Variants in SPTBN1 observed in about 807,000 individuals in gnomAD.
SPTBN1 encodes the protein spectrin beta, non-erythrocytic 1.
A neutral mutation model predicts 266.4 loss-of-function variants in SPTBN1; 32 were observed. The observed-to-expected ratio is 0.12, with a 90% CI of 0.09 to 0.16. SPTBN1 has a LOEUF of 0.16. Ranked by LOEUF, SPTBN1 falls within the 10% of genes least tolerant of loss-of-function variation. The probability of loss-of-function intolerance (pLI) is 1.00; values close to 1 mark genes in which losing one functional copy is unlikely to be tolerated. For missense variants in SPTBN1, 2,296 were observed against 3,067.1 expected, an observed-to-expected ratio of 0.75 and a Z score of 5.94; for synonymous variants, 1,336 against 1,162.2, an observed-to-expected ratio of 1.15 and a Z score of -3.04.
At chr2:54,492,476 T>G (rs1668744756) in intron 1 of SPTBN1, among the ~76,000 whole-genome samples, 1 of 152,102 alleles carries the variant, frequency 6.6e-6, no homozygotes, top group Non-Finnish European at 1.5e-5. Flanking sequence ...GGAGTTTTAC[T>G]TAACACCTTT....
intron 5 of SPTBN1, among the ~76,000 whole-genome samples, chr2:54,616,565 AC>A (rs997746104): frequency 3.9e-5 from 6 of 152,044 alleles, no homozygotes; most frequent in Non-Finnish European, 8.8e-5. Context: ...GAATTTGAAA[AC>A]CCTGGAAGCA....
intron 26 of SPTBN1, among the ~76,000 whole-genome samples, chr2:54,651,879 T>A (rs1438405020): frequency 2.0e-5 from 3 of 152,204 alleles, no homozygotes; most frequent in African/African-American, 7.2e-5. Flanking sequence ...CAAAGCCTGT[T>A]GGTTCTTCTT....
At position 54,664,936 on chromosome 2, in the gene SPTBN1, G is replaced by A; in HGVS notation, c.6659+245G>A. On this transcript the variant is annotated intron_variant, in intron 33 of 35. Coordinates refer to ENST00000356805, the MANE Select transcript of SPTBN1 (RefSeq NM_003128.3). This position sits in a 1 kb window ranked among gnomAD's most constrained non-coding sequence, Gnocchi z 5.6. The stretch of plus-strand genomic sequence containing the variant: ...AGAAGGGGCTTTAGTAGTTCATCTA[G>A]AGAAGGAATTTGCTAGATTGAGACT... 2.0e-6 allele frequency: 1 copy of A among 490,320 alleles called. No individual in the cohort carries two copies. The highest frequency in any genetic ancestry group is 3.7e-6 in the Non-Finnish European group (1 of 272,654). The allele number at this position is 490,320 out of a possible 1,614,324, so 30.4% of individuals were successfully genotyped here. A position where few individuals can be genotyped will look rare whatever the true frequency, so the allele number is the denominator to read the frequency against.
chr2:54,626,006 C>A lies in SPTBN1; in HGVS notation c.1416C>A (p.Ala472=), dbSNP rs368364126. 6.8e-6 allele frequency: 11 copies of A among 1,614,158 alleles called. No individual in the cohort carries two copies. Among genetic ancestry groups the A allele is most frequent in the African/African-American group, 1.3e-5 (1 of 75,030 alleles). Residue 472 remains alanine (A), a synonymous_variant, in exon 12 of 36, where the codon GCC becomes GCA. Transcript: ENST00000356805. The surrounding 1 kb of genome is among the most constrained non-coding windows in gnomAD (Gnocchi z 4.7). ...ACGAGGCCATTGAGACAGACATTGC[C>A]GCATACGAGGAGCGTGTGCAGGCTG... ...KKHEAIETDI[A]AYEERVQAVV...
At position 54,658,072 on chromosome 2, in the gene SPTBN1, T is replaced by G. The variant is rs1378073392; in HGVS notation, c.6243+26T>G. On this transcript the variant is annotated intron_variant, in intron 30 of 35. Coordinates refer to ENST00000356805, the MANE Select transcript of SPTBN1 (RefSeq NM_003128.3). The stretch of plus-strand genomic sequence containing the variant: ...GTAAGTGGCCGCTGGGCCCTTTGTC[T>G]GTTGGTGCCCTGGGCAGCCTTTTCT... 1.9e-6 allele frequency: 3 copies of G among 1,613,564 alleles called. No homozygotes were observed. In the African/African-American group the frequency reaches 4.0e-5, roughly 22 times the overall value.
chr2:54,501,978 C>T (rs1193527477), intron 1 of SPTBN1, among the ~76,000 whole-genome samples: 4 of 152,178 alleles, frequency 2.6e-5, no homozygotes, highest in South Asian at 2.1e-4. Context: ...GGAATATTTG[C>T]GCTAAAGCAA....
intron 1 of SPTBN1, among the ~76,000 whole-genome samples, chr2:54,479,346 C>A (rs1485118369): frequency 1.3e-5 from 2 of 152,062 alleles, no homozygotes; most frequent in Admixed American, 6.6e-5. Context: ...TAAATAAATC[C>A]CATTGTTCCA....
intron 1 of SPTBN1, among the ~76,000 whole-genome samples, chr2:54,513,505 G>A (rs376690043): frequency 2.0e-5 from 3 of 152,290 alleles, no homozygotes; most frequent in African/African-American, 7.2e-5. Context: ...AAATAGGGCA[G>A]TGAAATGCCA....
At chr2:54,548,319 G>A (rs1672366230) in intron 2 of SPTBN1, among the ~76,000 whole-genome samples, 1 of 152,196 alleles carries the variant, frequency 6.6e-6, no homozygotes, top group South Asian at 2.1e-4. Flanking sequence ...CCAACTTTGT[G>A]TATGGTTCTA....
intron 2 of SPTBN1, among the ~76,000 whole-genome samples, chr2:54,595,615 C>T (rs796668789): frequency 3.3e-5 from 5 of 152,224 alleles, no homozygotes; most frequent in African/African-American, 4.8e-5. Flanking sequence ...CCCTTGGTGG[C>T]GTGAGTGGGC....
intron 2 of SPTBN1, among the ~76,000 whole-genome samples, chr2:54,553,704 T>C (rs1490939459): frequency 6.6e-6 from 1 of 152,138 alleles, no homozygotes; most frequent in Non-Finnish European, 1.5e-5. Flanking sequence ...CTCGGATTGG[T>C]TTTTCAAATC....
At chr2:54,485,144 G>GCCTCTCCCTCTC (rs1372086150) in intron 1 of SPTBN1, among the ~76,000 whole-genome samples, 2 of 104,348 alleles carry the variant, frequency 1.9e-5, no homozygotes, top group Non-Finnish European at 2.3e-5. Flanking sequence ...GAAAACAATC[G>GCCTCTCCCTCTC]CCTCTCCCTC....
intron 28 of SPTBN1, among the ~76,000 whole-genome samples, chr2:54,655,578 G>A (rs980455771): frequency 3.3e-5 from 5 of 152,218 alleles, no homozygotes; most frequent in Non-Finnish European, 5.9e-5. Context: ...TTAGGTGCGT[G>A]TGTGGCCCCC....
chr2:54,470,422 C>T (rs2103856231), intron 1 of SPTBN1, among the ~76,000 whole-genome samples: 1 of 152,288 alleles, frequency 6.6e-6, no homozygotes, highest in East Asian at 1.9e-4. Context: ...TCAGTCTCCT[C>T]AACTTTTAAA....
chr2:54,529,345 G>A, intron 2 of SPTBN1: 1 of 590,794 alleles, frequency 1.7e-6, no homozygotes. Flanking sequence ...CTTTTCAGAA[G>A]ATGGCACCGA....
At chr2:54,511,206 T>C (rs1049340568) in intron 1 of SPTBN1, among the ~76,000 whole-genome samples, 1 of 152,240 alleles carries the variant, frequency 6.6e-6, no homozygotes, top group Non-Finnish European at 1.5e-5. Flanking sequence ...TGTATACTCA[T>C]GTTTAGATAT....
chr2:54,612,775 A>T (rs1677305485), intron 4 of SPTBN1, among the ~76,000 whole-genome samples: 1 of 151,654 alleles, frequency 6.6e-6, no homozygotes, highest in Non-Finnish European at 1.5e-5. Context: ...AAAGCTGTTG[A>T]GGGTTATGGC....
At chr2:54,500,761 CT>C (rs1410802097) in intron 1 of SPTBN1, among the ~76,000 whole-genome samples, 1 of 152,180 alleles carries the variant, frequency 6.6e-6, no homozygotes, top group East Asian at 1.9e-4. Flanking sequence ...TGGTCTCAAA[CT>C]CCTAGCCTCA....
chr2:54,526,637 C>T, intron 2 of SPTBN1, 71 bp downstream of exon 2: 1 of 1,525,814 alleles, frequency 6.6e-7, no homozygotes, highest in Non-Finnish European at 8.8e-7. Context: ...ATCATCCACC[C>T]TGTTCCCATG....
Sources: gnomAD v4.1 joint callset for allele counts (sites outside exome capture counted in the v4.1 genomes callset) on GRCh38, gnomAD v4.1.1 for gene constraint, Gnocchi (gnomAD v3.1) non-coding constraint, MANE v1.5 for transcripts, NCBI Gene and HGNC (gene_info 2026-07-23, HGNC 2026-07-21) for gene names.